The following TACC2 variants were observed in gnomAD, a reference collection of about 807,000 sequenced individuals.
The protein encoded by TACC2 is transforming acidic coiled-coil-containing protein 2.
TACC2 carries 137 observed loss-of-function variants against 227.3 expected under a neutral mutation model. That is an observed-to-expected ratio of 0.60 (90% CI 0.52 to 0.69). TACC2 has a LOEUF of 0.69. TACC2 is among the 30% of genes least tolerant of loss of function. TACC2 has a pLI of 0.00. For missense variants in TACC2, 3,470 were observed against 3,694.4 expected, an observed-to-expected ratio of 0.94 and a Z score of 1.57; for synonymous variants, 1,523 against 1,487.5, an observed-to-expected ratio of 1.02 and a Z score of -0.55.
chr10:122,083,216 C>G lies in TACC2; in HGVS notation c.716C>G (p.Ser239Cys), dbSNP rs1371086694. The G allele has an allele frequency of 1.2e-6, 2 of 1,613,374 alleles. No homozygotes were observed. Among genetic ancestry groups the G allele is most frequent in the Non-Finnish European group, 1.7e-6 (2 of 1,179,992 alleles). The stretch of plus-strand genomic sequence containing the variant: ...GCAGGTGGCTTTCCCCCTGCAGAGT[C>G]CAGGCAGGGGGTGGCTTCTGTGCAA... ...EAAGGFPPAE[S>C]RQGVASVQVT... is the part of the protein sequence containing the mutation. The change falls in exon 4 of 23, where the codon TCC (serine) becomes TGC (cysteine). Residue 239 changes from serine to cysteine, a missense_variant. By Grantham distance (112) the Ser-to-Cys change is moderately radical. Around this residue, in one of 10 missense-constraint regions of TACC2, gnomAD observed 405 missense variants for 389.6 expected, o/e 1.04. Coordinates refer to ENST00000369005, the MANE Select transcript of TACC2 (RefSeq NM_206862.4).
At chr10:122,240,678 G>A (rs1453365992) in intron 18 of TACC2, among the ~76,000 whole-genome samples, 1 of 152,124 alleles carries the variant, frequency 6.6e-6, no homozygotes, top group Admixed American at 6.5e-5. Flanking sequence ...GGGTCTCTAT[G>A]GTTTTCTGTC....
At chr10:122,022,583 G>T (rs1490355361) in intron 2 of TACC2, 1 of 152,180 alleles carries the variant, frequency 6.6e-6, no homozygotes, top group African/African-American at 2.4e-5. Context: ...TTTTTATTCT[G>T]TCTTCTAAAA....
rs377227008 is a variant in TACC2, at chr10:122,153,113, A to G, written c.5834+9407A>G. On this transcript the variant is annotated intron_variant, in intron 7 of 22. Coordinates refer to ENST00000369005, the MANE Select transcript of TACC2 (RefSeq NM_206862.4). ...CAGGTTCAGGCAATTGTCCTGCCTCAGCATCTTGAGTAGATGGGATTACAG... is the reference window on the plus strand; with the variant it reads ...CAGGTTCAGGCAATTGTCCTGCCTCGGCATCTTGAGTAGATGGGATTACAG... 1.4e-4 allele frequency among the ~76,000 whole-genome samples: 21 copies of G among 151,360 alleles called. No homozygotes were observed. In the South Asian group the frequency reaches 4.0e-3, roughly 29 times the overall value.
Position 122,084,033 on chromosome 10 carries a change from A to G in TACC2, c.1533A>G (p.Pro511=), listed in dbSNP as rs1410675699. The change falls in exon 4 of 23, where the codon CCA becomes CCG. Residue 511 remains proline (P), a synonymous_variant. Coordinates refer to ENST00000369005, the MANE Select transcript of TACC2 (RefSeq NM_206862.4). ...LNTEQSHEVQ[P]GVPPPPLPKE... Reference sequence around the variant, plus strand: ...CGGAGCAAAGCCATGAGGTCCAACCAGGAGTACCACCCCCTCCTCTTCCCA... The same window carrying G: ...CGGAGCAAAGCCATGAGGTCCAACCGGGAGTACCACCCCCTCCTCTTCCCA... The G allele has an allele frequency of 6.2e-7, 1 of 1,614,014 alleles. No individual in the cohort carries two copies.
At chr10:122,195,415 G>A (rs2094534260) in intron 8 of TACC2, among the ~76,000 whole-genome samples, 1 of 152,322 alleles carries the variant, frequency 6.6e-6, no homozygotes, top group Admixed American at 6.5e-5. Context: ...GATTGGGTTT[G>A]GAGGAGGGCA....
Position 122,050,817 on chromosome 10 carries a change from T to C in TACC2, c.146+267T>C, listed in dbSNP as rs2075591301. ...CATTCCAGCCACACTCCAGAGTATC[T>C]TCATTGTCAGAACTTAAAATGGAAA... On this transcript the variant is annotated intron_variant, in intron 3 of 22. Transcript: ENST00000369005. This position sits in a 1 kb window ranked among gnomAD's most constrained non-coding sequence, Gnocchi z 4.6. 2.3e-6 allele frequency: 1 copy of C among 437,030 alleles called. No homozygotes were observed. The highest frequency in any genetic ancestry group is 4.1e-6 in the Non-Finnish European group (1 of 245,656). The allele number at this position is 437,030 out of a possible 1,614,324, so 27.1% of individuals were successfully genotyped here. A position where few individuals can be genotyped will look rare whatever the true frequency, so the allele number is the denominator to read the frequency against.
chr10:122,159,064 G>C (rs2092665774), intron 7 of TACC2, among the ~76,000 whole-genome samples: 1 of 152,222 alleles, frequency 6.6e-6, no homozygotes, highest in African/African-American at 2.4e-5. Flanking sequence ...GAAGAAAGAA[G>C]TCTGGGGGCT....
intron 3 of TACC2, among the ~76,000 whole-genome samples, chr10:122,062,730 A>G (rs187755796): frequency 5.9e-5 from 9 of 152,340 alleles, no homozygotes; most frequent in African/African-American, 1.9e-4. Context: ...TGTGGATAGC[A>G]GCAACTATGG....
Position 122,209,505 on chromosome 10 carries a change from C to T in TACC2, c.5972-892C>T, listed in dbSNP as rs1037379055. Among the ~76,000 whole-genome samples, 1 of 152,334 alleles carries T rather than the reference C, an allele frequency of 6.6e-6. No individual in the cohort carries two copies. The highest frequency in any genetic ancestry group is 1.5e-5 in the Non-Finnish European group (1 of 68,034). On this transcript the variant is annotated intron_variant, in intron 8 of 22. Transcript: ENST00000369005. The surrounding 1 kb of genome is among the most constrained non-coding windows in gnomAD (Gnocchi z 4.5). The stretch of plus-strand genomic sequence containing the variant: ...CCGCAGAGCCTTTACTCGCACTATT[C>T]CTTCTACCCAGGATGCTTCCTCCCC...
chr10:122,124,244 T>C (rs189463019), intron 5 of TACC2, among the ~76,000 whole-genome samples: 41 of 152,300 alleles, frequency 2.7e-4, no homozygotes, highest in African/African-American at 9.9e-4. Flanking sequence ...GTTCTTCATG[T>C]CCCTTCCCTC....
rs1054600126 is a variant in TACC2 at position 122,126,204 on chromosome 10, G to A, written c.5574-6405G>A. 1.1e-4 allele frequency among the ~76,000 whole-genome samples: 16 copies of A among 152,226 alleles called. 1 individual carries two copies. Among genetic ancestry groups the A allele is most frequent in the Admixed American group, 6.5e-4 (10 of 15,274 alleles). On this transcript the variant is annotated intron_variant, in intron 5 of 22. Coordinates refer to ENST00000369005, the MANE Select transcript of TACC2 (RefSeq NM_206862.4). ...CTGTCCTACATGGACTAACTAGCTG[G>A]CATTGTACTGTAAGGGGGGGCTTTC...
chr10:122,140,435 C>T (rs2090359558), intron 6 of TACC2, among the ~76,000 whole-genome samples: 3 of 152,228 alleles, frequency 2.0e-5, no homozygotes, highest in African/African-American at 4.8e-5. Flanking sequence ...TCAGCTTCTT[C>T]GTTATTCCAA....
intron 3 of TACC2, among the ~76,000 whole-genome samples, chr10:122,062,304 A>T (rs1297294333): frequency 6.6e-6 from 1 of 151,930 alleles, no homozygotes; most frequent in Non-Finnish European, 1.5e-5. Context: ...AAGTGCTGGG[A>T]TTACAGGCGT....
In TACC2 at chr10:122,087,294, G is replaced by T. The variant is rs778307131; in HGVS notation, c.4794G>T (p.Lys1598Asn). The part of the protein sequence containing the change: ...AVAQDRIPSG[K>N]QHQETSACDS... Reference sequence around the variant, plus strand: ...CCCAAGACAGAATTCCTTCTGGAAAGCAGCACCAGGAAACATCTGCCTGCG... The same window carrying T: ...CCCAAGACAGAATTCCTTCTGGAAATCAGCACCAGGAAACATCTGCCTGCG... Residue 1598 changes from lysine (K) to asparagine (N), a missense_variant, in exon 4 of 23, where the codon AAG (lysine) becomes AAT (asparagine). This residue lies in a region of TACC2 where 1,924 missense variants were observed against 1,978.3 expected (regional missense o/e 0.97). Coordinates refer to ENST00000369005, the MANE Select transcript of TACC2 (RefSeq NM_206862.4). 3 of 1,613,808 alleles carry T rather than the reference G, an allele frequency of 1.9e-6. No homozygotes were observed. The highest frequency in any genetic ancestry group is 1.3e-5 in the African/African-American group (1 of 74,954).
intron 13 of TACC2, among the ~76,000 whole-genome samples, chr10:122,227,139 T>TG (rs1311358291): frequency 2.0e-5 from 3 of 152,232 alleles, no homozygotes; most frequent in Admixed American, 2.0e-4. Flanking sequence ...ACCAGAGAGA[T>TG]GCTGTGTGTA....
At chr10:122,170,816 C>A (rs891859850) in intron 7 of TACC2, among the ~76,000 whole-genome samples, 3 of 152,218 alleles carry the variant, frequency 2.0e-5, no homozygotes, top group Non-Finnish European at 4.4e-5. Flanking sequence ...CCTGTCAGTT[C>A]TTTGAACACA....
At chr10:122,215,485 C>T (rs1365424861) in intron 10 of TACC2, 34 bp downstream of exon 10, 4 of 1,547,056 alleles carry the variant, frequency 2.6e-6, no homozygotes, top group African/African-American at 1.4e-5. Context: ...TGGTTTTATG[C>T]CCCCCCCGGG....
At chr10:122,143,142 A>T (rs1401479328) in intron 6 of TACC2, among the ~76,000 whole-genome samples, 1 of 152,096 alleles carries the variant, frequency 6.6e-6, no homozygotes, top group Non-Finnish European at 1.5e-5. Context: ...CAGCCTTGGG[A>T]TTTGCGGGCA....
intron 1 of TACC2, among the ~76,000 whole-genome samples, chr10:121,992,130 G>A (rs1295015229): frequency 2.6e-5 from 4 of 152,140 alleles, no homozygotes; most frequent in Admixed American, 1.3e-4. Flanking sequence ...TTTCACCCAC[G>A]TTTTATGTGT....
Sources: allele counts gnomAD v4.1 joint callset (sites outside exome capture counted in the v4.1 genomes callset), GRCh38; gene constraint gnomAD v4.1.1; regional missense constraint gnomAD v4.1.1; non-coding constraint Gnocchi (gnomAD v3.1); transcripts MANE v1.5; gene names NCBI Gene and HGNC (gene_info 2026-07-23, HGNC 2026-07-21).